SLIT1: variants seen among roughly 807,000 people sequenced by gnomAD.
The protein encoded by SLIT1 is slit homolog 1 protein.
In SLIT1, 66 loss-of-function variants were observed where a neutral mutation model predicts 186.1. The observed-to-expected ratio is 0.35, with a 90% CI of 0.29 to 0.44. The LOEUF is 0.44. Ranked by LOEUF, SLIT1 falls within the 20% of genes least tolerant of loss-of-function variation. SLIT1 has a pLI of 1.00. For missense variants in SLIT1, 1,638 were observed against 2,037.4 expected (o/e 0.80, Z 3.77); for synonymous variants, 761 against 833.8 (o/e 0.91, Z 1.50).
intron 4 of SLIT1, among the ~76,000 whole-genome samples, chr10:97,146,593 T>C (rs574411626): frequency 7.3e-5 from 11 of 151,652 alleles, no homozygotes; most frequent in Non-Finnish European, 1.6e-4. Context: ...GTAGATTTTA[T>C]TTATCCTGCA....
At chr10:97,083,405 G>C (rs1275388817) in intron 4 of SLIT1, among the ~76,000 whole-genome samples, 1 of 152,204 alleles carries the variant, frequency 6.6e-6, no homozygotes, top group Non-Finnish European at 1.5e-5. Context: ...GTGTGGGGAG[G>C]CTTCTGGAAG....
At chr10:97,027,076 C>G (rs775785219) in intron 25 of SLIT1, among the ~76,000 whole-genome samples, 3 of 152,198 alleles carry the variant, frequency 2.0e-5, no homozygotes, top group Non-Finnish European at 2.9e-5. Flanking sequence ...AGAGTCAGAT[C>G]AGGAGCAGGG....
intron 35 of SLIT1, 22 bp from the exon 36 acceptor site, chr10:97,002,391 C>G (rs768127113): frequency 6.4e-6 from 10 of 1,559,084 alleles, no homozygotes; most frequent in Non-Finnish European, 4.3e-6. Context: ...AGAGAAAAGG[C>G]GCTGTGAGGA....
intron 4 of SLIT1, among the ~76,000 whole-genome samples, chr10:97,066,557 G>A (rs1041609661): frequency 2.6e-5 from 4 of 152,018 alleles, no homozygotes; most frequent in African/African-American, 9.7e-5. Context: ...TGTGAGTTCC[G>A]GGAGCTCTGG....
Position 97,004,149 on chromosome 10 carries a change from T to C in SLIT1, c.3784A>G (p.Ile1262Val). ...ATGGTCATGGGGCTCCCGCCATCAA[T>C]GGAGAGATTCACCATCTGGTCAAAG... is the stretch of plus-strand genomic sequence containing the variant. ...VAFDQMVNLS[I>V]DGGSPMTMDN... The change falls in exon 34 of 37, where the codon ATT (isoleucine) becomes GTT (valine). Residue 1262 changes from isoleucine to valine, a missense_variant. Transcript: ENST00000266058. This position sits in a 1 kb window ranked among gnomAD's most constrained non-coding sequence, Gnocchi z 5.1. 1.2e-6 allele frequency: 2 copies of C among 1,614,004 alleles called. No homozygotes were observed. Among genetic ancestry groups the C allele is most frequent in the South Asian group, 1.1e-5 (1 of 91,066 alleles).
chr10:97,064,055 G>A (rs1260076863), intron 7 of SLIT1, 113 bp downstream of exon 7: 1 of 879,628 alleles, frequency 1.1e-6, no homozygotes, highest in East Asian at 2.6e-5. Flanking sequence ...CTGGGGGTCT[G>A]AGGGAGAATG....
Position 97,064,803 on chromosome 10 carries a change from A to T in SLIT1, c.557+2T>A. 4 of 1,605,186 alleles carry T rather than the reference A, an allele frequency of 2.5e-6. No individual in the cohort carries two copies. Among genetic ancestry groups the T allele is most frequent in the Non-Finnish European group, 3.4e-6 (4 of 1,175,538 alleles). On this transcript the variant is annotated splice_donor_variant, in intron 6 of 36. Coordinates refer to ENST00000266058, the MANE Select transcript of SLIT1 (RefSeq NM_003061.3). LOFTEE classifies it high-confidence loss of function. ...CTCCTTCCTTTTCCATGCTTTACTT[A>T]CAGCACCTCCAGCCCCCGCAGAGCA...
intron 1 of SLIT1, among the ~76,000 whole-genome samples, chr10:97,179,808 C>CCG (rs1554855927): frequency 1.3e-5 from 2 of 150,106 alleles, no homozygotes; most frequent in East Asian, 2.0e-4. Flanking sequence ...CCTCCCCGCC[C>CCG]CCCGGCACAG....
Position 97,138,422 on chromosome 10 carries a change from C to T in SLIT1, c.413+19396G>A, listed in dbSNP as rs146793520. On this transcript the variant is annotated intron_variant, in intron 4 of 36. Coordinates refer to ENST00000266058, the MANE Select transcript of SLIT1 (RefSeq NM_003061.3). ...TGCACTCTTGCAGGGAGGCCGGGGA[C>T]GGTCACCACGGTCTGTGGTCAATGT... Among the ~76,000 whole-genome samples the T allele has an allele frequency of 9.8e-4, 149 of 152,354 alleles. 2 individuals carry two copies. Among genetic ancestry groups the T allele is most frequent in the Non-Finnish European group, 1.8e-3 (120 of 68,036 alleles).
At chr10:97,040,166 G>A (rs111637405) in intron 20 of SLIT1, 46 bp from the exon 21 acceptor site, 21 of 1,494,634 alleles carry the variant, frequency 1.4e-5, no homozygotes, top group South Asian at 5.5e-5. Flanking sequence ...TGGACGGGCC[G>A]CTGTAGGGCC....
At chr10:97,044,127 T>C (rs1564660611) in intron 18 of SLIT1, among the ~76,000 whole-genome samples, 1 of 152,240 alleles carries the variant, frequency 6.6e-6, no homozygotes, top group Non-Finnish European at 1.5e-5. Flanking sequence ...CCAAGCCTGA[T>C]GCAGTGGCTC....
At position 97,000,923 on chromosome 10, in the gene SLIT1, C is replaced by T. The variant is rs557418494; in HGVS notation, c.*189G>A. 123 of 597,064 alleles carry T rather than the reference C, an allele frequency of 2.1e-4. 1 individual carries two copies. The highest frequency in any genetic ancestry group is 1.0e-3 in the African/African-American group (54 of 53,922). The allele number at this position is 597,064 out of a possible 1,614,324, so 37.0% of individuals were successfully genotyped here. On this transcript the variant is annotated 3_prime_UTR_variant, in exon 37 of 37. Coordinates refer to ENST00000266058, the MANE Select transcript of SLIT1 (RefSeq NM_003061.3). ...CCGCAGCTCAGGCCTCGCCCACCCC[C>T]GCTGCCCCCAGCTATGGCGCAATTT...
intron 34 of SLIT1, among the ~76,000 whole-genome samples, chr10:97,003,309 G>A (rs1236681885): frequency 1.3e-5 from 2 of 152,226 alleles, no homozygotes; most frequent in Non-Finnish European, 2.9e-5. Flanking sequence ...TCCCTGGGAC[G>A]CTAGCTTTTA....
At chr10:97,088,297 A>G (rs1849189556) in intron 4 of SLIT1, among the ~76,000 whole-genome samples, 1 of 152,032 alleles carries the variant, frequency 6.6e-6, no homozygotes, top group Non-Finnish European at 1.5e-5. Context: ...TGCCCCTCTT[A>G]TGGTGCCACC....
chr10:97,082,023 G>A (rs763939110), intron 4 of SLIT1, among the ~76,000 whole-genome samples: 8 of 152,218 alleles, frequency 5.3e-5, no homozygotes, highest in African/African-American at 1.2e-4. Context: ...TCCTCTATGA[G>A]CCTCAAGGGA....
chr10:97,119,437 C>G (rs1849538491), intron 4 of SLIT1, among the ~76,000 whole-genome samples: 1 of 152,186 alleles, frequency 6.6e-6, no homozygotes, highest in Admixed American at 6.5e-5. Context: ...AAGCAGACAT[C>G]TGGGTTCCAG....
At chr10:97,028,052 C>T (rs1300432664) in intron 25 of SLIT1, among the ~76,000 whole-genome samples, 1 of 152,136 alleles carries the variant, frequency 6.6e-6, no homozygotes, top group Non-Finnish European at 1.5e-5. Context: ...GCCCTTGGTG[C>T]CCAGCAGAGA....
chr10:97,129,184 G>A (rs909139255), intron 4 of SLIT1, among the ~76,000 whole-genome samples: 22 of 152,002 alleles, frequency 1.4e-4, no homozygotes, highest in African/African-American at 4.6e-4. Flanking sequence ...GGCGGATCAC[G>A]TGAGGTCAGG....
chr10:97,181,006 T>C (rs1191546214), intron 1 of SLIT1, among the ~76,000 whole-genome samples: 1 of 152,212 alleles, frequency 6.6e-6, no homozygotes, highest in South Asian at 2.1e-4. Flanking sequence ...CACCAGCCAC[T>C]TACCAAGCGT....
Sources: allele counts gnomAD v4.1 joint callset (sites outside exome capture counted in the v4.1 genomes callset), GRCh38; gene constraint gnomAD v4.1.1; non-coding constraint Gnocchi (gnomAD v3.1); transcripts MANE v1.5; gene names NCBI Gene and HGNC (gene_info 2026-07-23, HGNC 2026-07-21).